CYFIP2: variants seen among roughly 807,000 people sequenced by gnomAD.
CYFIP2 encodes cytoplasmic FMR1 interacting protein 2.
Under a neutral mutation model 158.7 loss-of-function variants are expected in CYFIP2, and 29 were observed. That is an observed-to-expected ratio of 0.18 (90% CI 0.14 to 0.25). The LOEUF (loss-of-function observed/expected upper bound fraction) is 0.25, where lower values mean the gene tolerates loss of function less well. Ranked by LOEUF, CYFIP2 falls within the 10% of genes least tolerant of loss-of-function variation. The pLI is 1.00. For missense variants in CYFIP2, 852 were observed against 1,639.5 expected, an observed-to-expected ratio of 0.52 and a Z score of 8.29; for synonymous variants, 585 against 617.6, an observed-to-expected ratio of 0.95 and a Z score of 0.78.
intron 26 of CYFIP2, among the ~76,000 whole-genome samples, chr5:157,375,453 C>T (rs1375340524): frequency 6.6e-6 from 1 of 152,042 alleles, no homozygotes; most frequent in Non-Finnish European, 1.5e-5. Context: ...CCATGGTCTC[C>T]ACTGGAAACC....
intron 5 of CYFIP2, among the ~76,000 whole-genome samples, chr5:157,299,707 C>G (rs1248407155): frequency 1.3e-5 from 2 of 152,104 alleles, no homozygotes; most frequent in Non-Finnish European, 2.9e-5. Context: ...TCGAGACCAG[C>G]CTGGCCAACA....
chr5:157,298,418 G>A (rs1214048867), intron 5 of CYFIP2, among the ~76,000 whole-genome samples: 4 of 151,868 alleles, frequency 2.6e-5, no homozygotes. Context: ...TGCAACTTCA[G>A]CCTCCTAGGT....
At chr5:157,322,881 C>T in intron 15 of CYFIP2, 1 of 1,424,640 alleles carries the variant, frequency 7.0e-7, no homozygotes, top group African/African-American at 1.4e-5. Flanking sequence ...TCTCTCTCTC[C>T]CTCTTCCCTG....
intron 1 of CYFIP2, among the ~76,000 whole-genome samples, chr5:157,275,482 C>G (rs1756469196): frequency 6.6e-6 from 1 of 152,166 alleles, no homozygotes; most frequent in South Asian, 2.1e-4. Context: ...CAGTTCAATT[C>G]CATTAATTTA....
In CYFIP2 at chr5:157,375,503, C is replaced by A. The variant is rs537860332; in HGVS notation, c.3040-7087C>A. On this transcript the variant is annotated intron_variant, in intron 26 of 30. Transcript: ENST00000620254. ...TCAGAAATCTTGGGTTCAAGTCTTG[C>A]CTCTATACTGGATAGCTATGAGACT... 2.0e-5 allele frequency among the ~76,000 whole-genome samples: 3 copies of A among 152,240 alleles called. No homozygotes were observed. In the South Asian group the frequency reaches 6.2e-4, roughly 32 times the overall value.
chr5:157,271,233 C>G (rs905722280), intron 1 of CYFIP2, among the ~76,000 whole-genome samples: 4 of 152,144 alleles, frequency 2.6e-5, no homozygotes, highest in African/African-American at 9.7e-5. Flanking sequence ...TTATTATGCC[C>G]TGTATACCTT....
chr5:157,391,864 G>A (rs186274889), intron 30 of CYFIP2, among the ~76,000 whole-genome samples: 1 of 152,138 alleles, frequency 6.6e-6, no homozygotes. Context: ...GTTTTCCATA[G>A]TGGCTGCACA....
At chr5:157,387,092 G>A (rs1766775770) in intron 28 of CYFIP2, among the ~76,000 whole-genome samples, 2 of 152,184 alleles carry the variant, frequency 1.3e-5, no homozygotes, top group South Asian at 4.2e-4. Context: ...TGAAGTTACT[G>A]ATATATTAAG....
chr5:157,368,977 C>T (rs910323056), intron 26 of CYFIP2, among the ~76,000 whole-genome samples: 2 of 151,454 alleles, frequency 1.3e-5, no homozygotes, highest in African/African-American at 4.9e-5. Context: ...TGGCTCACTG[C>T]AGCCTCCACC....
intron 15 of CYFIP2, among the ~76,000 whole-genome samples, chr5:157,322,116 A>T (rs1424725828): frequency 6.6e-6 from 1 of 152,220 alleles, no homozygotes; most frequent in Non-Finnish European, 1.5e-5. Flanking sequence ...CTACCAGGTC[A>T]TGCTAGGTGG....
rs1760957251 is a variant in CYFIP2 at position 157,325,564 on chromosome 5, G to A, written c.1908G>A (p.Gln636=). ...FLELTMGRRI[Q]FPIEMSMPWI... Reference sequence around the variant, plus strand: ...AGTTAACCATGGGCCGACGAATCCAGTTCCCCATCGAGATGTCCATGCCCT... The same window carrying A: ...AGTTAACCATGGGCCGACGAATCCAATTCCCCATCGAGATGTCCATGCCCT... The change falls in exon 17 of 31, where the codon CAG becomes CAA. Residue 636 remains glutamine, a synonymous_variant. Coordinates refer to ENST00000620254, the MANE Select transcript of CYFIP2 (RefSeq NM_001037333.3). 1 of 1,613,460 alleles carries A rather than the reference G, an allele frequency of 6.2e-7. No homozygotes were observed. The highest frequency in any genetic ancestry group is 8.5e-7 in the Non-Finnish European group (1 of 1,179,670).
intron 1 of CYFIP2, among the ~76,000 whole-genome samples, chr5:157,270,026 G>A (rs945754390): frequency 6.6e-6 from 1 of 152,236 alleles, no homozygotes; most frequent in African/African-American, 2.4e-5. Flanking sequence ...AGAAGGCAGA[G>A]CTTGAGTTCA....
intron 3 of CYFIP2, 71 bp downstream of exon 3, chr5:157,287,179 A>G (rs916761102): frequency 1.1e-5 from 13 of 1,235,264 alleles, no homozygotes; most frequent in Admixed American, 5.4e-5. Flanking sequence ...GCAGCTTCTC[A>G]CACCAGAGGC....
intron 1 of CYFIP2, among the ~76,000 whole-genome samples, chr5:157,278,947 A>C (rs1216245062): frequency 6.6e-6 from 1 of 152,224 alleles, no homozygotes; most frequent in Admixed American, 6.5e-5. Flanking sequence ...ATGTTAACTA[A>C]TCATTTATTT....
intron 23 of CYFIP2, among the ~76,000 whole-genome samples, chr5:157,352,358 TG>T: frequency 6.6e-6 from 1 of 152,290 alleles, no homozygotes; most frequent in East Asian, 1.9e-4. Context: ...TGCAGCAAGC[TG>T]GGCACAGCTC....
At chr5:157,381,908 C>G (rs1175652459) in intron 26 of CYFIP2, among the ~76,000 whole-genome samples, 1 of 150,636 alleles carries the variant, frequency 6.6e-6, no homozygotes, top group African/African-American at 2.4e-5. Context: ...CAGACTCCTT[C>G]CCTCCCCTTT....
intron 1 of CYFIP2, chr5:157,271,522 T>C (rs1481720807): frequency 2.6e-5 from 4 of 152,320 alleles, no homozygotes; most frequent in Non-Finnish European, 5.9e-5. Context: ...AGCAATAATA[T>C]CACACAGAGA....
chr5:157,318,142 C>T (rs989893280), intron 13 of CYFIP2, among the ~76,000 whole-genome samples: 2 of 152,276 alleles, frequency 1.3e-5, no homozygotes, highest in East Asian at 1.9e-4. Context: ...AAATATATGT[C>T]GCAAATATTT....
chr5:157,289,113 A>G (rs1220311), intron 3 of CYFIP2, among the ~76,000 whole-genome samples: 4,924 of 152,322 alleles, frequency 0.032, 103 homozygotes, highest in Non-Finnish European at 0.045. Context: ...CAGGTTGCTC[A>G]TGATCCCACA....
Sources: gnomAD v4.1 joint callset for allele counts (sites outside exome capture counted in the v4.1 genomes callset) on GRCh38, gnomAD v4.1.1 for gene constraint, MANE v1.5 for transcripts, NCBI Gene and HGNC (gene_info 2026-07-23, HGNC 2026-07-21) for gene names.